ATG7: variants seen among roughly 807,000 people sequenced by gnomAD.
ATG7 encodes autophagy related 7.
Under a neutral mutation model 82.4 loss-of-function variants are expected in ATG7, and 70 were observed. The ratio of observed to expected loss-of-function variants is 0.85; its 90% CI spans 0.70 to 1.04. The LOEUF is 1.04. ATG7 is among the 50% of genes least tolerant of loss of function. The pLI is 0.00. For synonymous variants in ATG7, 287 were observed against 313.0 expected (o/e 0.92, Z 0.88); for missense variants, 792 against 864.3 (o/e 0.92, Z 1.05).
intron 20 of ATG7, among the ~76,000 whole-genome samples, chr3:11,532,280 A>C (rs1163523695): frequency 6.6e-6 from 1 of 152,216 alleles, no homozygotes; most frequent in Non-Finnish European, 1.5e-5. Flanking sequence ...GCTGATCTCA[A>C]GGAGCCGGCA....
At chr3:11,310,773 C>T (rs1299921824) in intron 7 of ATG7, among the ~76,000 whole-genome samples, 2 of 152,064 alleles carry the variant, frequency 1.3e-5, no homozygotes, top group African/African-American at 4.8e-5. Flanking sequence ...GCCGGGACTA[C>T]AGGCACCCAC....
At chr3:11,449,868 C>T (rs370138907) in intron 20 of ATG7, among the ~76,000 whole-genome samples, 13 of 152,314 alleles carry the variant, frequency 8.5e-5, no homozygotes, top group South Asian at 6.2e-4. Context: ...GCTGAGAACA[C>T]GTTTTCATTT....
chr3:11,298,701 G>A lies in ATG7; in HGVS notation c.6G>A (p.Ala2=), dbSNP rs779904289. M[A]AATGDPGLSK... is the part of the protein sequence containing the mutation. Reference sequence around the variant, plus strand: ...TTTTTAATAGGCAAGAAATAATGGCGGCAGCTACGGGGGATCCTGGACTCT... The same window carrying A: ...TTTTTAATAGGCAAGAAATAATGGCAGCAGCTACGGGGGATCCTGGACTCT... Residue 2 remains alanine (A), a synonymous_variant, in exon 4 of 21, where the codon GCG becomes GCA. Coordinates refer to ENST00000693202, the MANE Select transcript of ATG7 (RefSeq NM_001349232.2). 1.4e-5 allele frequency: 23 copies of A among 1,612,690 alleles called. No individual in the cohort carries two copies. Among genetic ancestry groups the A allele is most frequent in the Non-Finnish European group, 1.8e-5 (21 of 1,179,484 alleles).
chr3:11,490,043 T>A (rs1362006525), intron 20 of ATG7, among the ~76,000 whole-genome samples: 1 of 152,172 alleles, frequency 6.6e-6, no homozygotes, highest in Non-Finnish European at 1.5e-5. Flanking sequence ...GTTAACTTTC[T>A]GTCTCTTTGA....
At chr3:11,516,520 C>G (rs2092287561) in intron 20 of ATG7, among the ~76,000 whole-genome samples, 1 of 152,198 alleles carries the variant, frequency 6.6e-6, no homozygotes, top group Non-Finnish European at 1.5e-5. Context: ...GGCACAGCCA[C>G]TTAAAACTAA....
chr3:11,529,115 C>T (rs1286292098), intron 20 of ATG7, among the ~76,000 whole-genome samples: 2 of 151,800 alleles, frequency 1.3e-5, no homozygotes, highest in Non-Finnish European at 2.9e-5. Context: ...TGTAGGTGGA[C>T]AGGAGGGCAT....
chr3:11,428,030 A>G lies in ATG7; in HGVS notation c.2079+1104A>G, dbSNP rs187369206. ...CTTATGTTGTGTTTCCACAAACTAT[A>G]TAAGGAAAACCTTGACTTCCTGTGT... On this transcript the variant is annotated intron_variant, in intron 20 of 20. Coordinates refer to ENST00000693202, the MANE Select transcript of ATG7 (RefSeq NM_001349232.2). 7.7e-4 allele frequency among the ~76,000 whole-genome samples: 117 copies of G among 152,350 alleles called. No individual in the cohort carries two copies. The East Asian group carries it at 0.016, about 20-fold the overall frequency.
the ATG7 span, among the ~76,000 whole-genome samples, chr3:11,567,696 G>A: frequency 4.2e-4 from 64 of 152,310 alleles, no homozygotes; most frequent in African/African-American, 1.4e-3. Context: ...TCCGCGGAAC[G>A]GACGTCAGGC....
chr3:11,379,208 C>T lies in ATG7; in HGVS notation c.1876-764C>T, dbSNP rs187163539. Among the ~76,000 whole-genome samples, 7 of 152,192 alleles carry T rather than the reference C, an allele frequency of 4.6e-5. No individual in the cohort carries two copies. The East Asian group carries it at 5.8e-4, about 13-fold the overall frequency. ...TTTGTGTTGTCTGGTTTATTATAAACGTTGAGTCCTATGGAGAGTTTAGAG... is the reference window on the plus strand; with the variant it reads ...TTTGTGTTGTCTGGTTTATTATAAATGTTGAGTCCTATGGAGAGTTTAGAG... On this transcript the variant is annotated intron_variant, in intron 18 of 20. Coordinates refer to ENST00000693202, the MANE Select transcript of ATG7 (RefSeq NM_001349232.2).
At chr3:11,532,695 T>A (rs149227888) in intron 20 of ATG7, among the ~76,000 whole-genome samples, 38 of 152,148 alleles carry the variant, frequency 2.5e-4, no homozygotes, top group Admixed American at 6.5e-4. Flanking sequence ...TGCACTCCAG[T>A]CTAGGTGACA....
chr3:11,525,734 T>C (rs11719576), intron 20 of ATG7, among the ~76,000 whole-genome samples: 27,915 of 151,608 alleles, frequency 0.18, 3,191 homozygotes, highest in South Asian at 0.36. Flanking sequence ...TTTTGTATTT[T>C]TAGTAGAGAC....
rs189638856 is a variant in ATG7, at chr3:11,446,275, C to A, written c.2079+19349C>A. 2.0e-5 allele frequency among the ~76,000 whole-genome samples: 3 copies of A among 151,880 alleles called. No individual in the cohort carries two copies. The East Asian group carries it at 5.8e-4, about 29-fold the overall frequency. On this transcript the variant is annotated intron_variant, in intron 20 of 20. Transcript: ENST00000693202. The stretch of plus-strand genomic sequence containing the variant: ...AAATTGGATTAAAGGTTACTATATC[C>A]ATTTCAACATTCTGTGATAACGATA...
At chr3:11,477,134 C>A in intron 20 of ATG7, 1 of 1,289,838 alleles carries the variant, frequency 7.8e-7, no homozygotes, top group South Asian at 1.2e-5. Context: ...TACCTGCCAG[C>A]ATCTTTGAGA....
chr3:11,344,441 G>A (rs1244434438), intron 13 of ATG7, among the ~76,000 whole-genome samples: 1 of 152,140 alleles, frequency 6.6e-6, no homozygotes, highest in Non-Finnish European at 1.5e-5. Flanking sequence ...CAGAAATGTC[G>A]AGCTTTATCA....
rs764938921 is a variant in ATG7 at position 11,362,870 on chromosome 3, G to A, written c.1741G>A (p.Val581Met). The A allele has an allele frequency of 6.8e-6, 11 of 1,614,090 alleles. No individual in the cohort carries two copies. Among genetic ancestry groups the A allele is most frequent in the South Asian group, 6.6e-5 (6 of 91,076 alleles). The change falls in exon 17 of 21, where the codon GTG (valine) becomes ATG (methionine). Residue 581 changes from valine (V) to methionine (M), a missense_variant. Transcript: ENST00000693202. ...QCTVSRPGLA[V>M]IAGALAVELM... ...CACTGTGAGTCGTCCAGGACTGGCC[G>A]TGATTGCAGGAGCCCTGGCCGTGGA... is the stretch of plus-strand genomic sequence containing the variant.
At chr3:11,283,930 T>G (rs552949249) in intron 3 of ATG7, among the ~76,000 whole-genome samples, 2 of 152,136 alleles carry the variant, frequency 1.3e-5, no homozygotes, top group African/African-American at 4.8e-5. Context: ...AGACTCTGTC[T>G]CAAAGAAAAA....
At chr3:11,359,678 G>A (rs764724490) in intron 15 of ATG7, among the ~76,000 whole-genome samples, 8 of 151,904 alleles carry the variant, frequency 5.3e-5, no homozygotes, top group African/African-American at 1.9e-4. Flanking sequence ...CCTGGGCAAC[G>A]GAGTGAGATC....
At chr3:11,551,333 G>A (rs573667943) in intron 20 of ATG7, among the ~76,000 whole-genome samples, 20 of 152,270 alleles carry the variant, frequency 1.3e-4, no homozygotes, top group East Asian at 7.7e-4. Flanking sequence ...CAGCTCGCCC[G>A]GCTCCAGAAA....
At chr3:11,360,867 T>C (rs1488345656) in intron 16 of ATG7, 83 bp downstream of exon 16, 3 of 1,380,012 alleles carry the variant, frequency 2.2e-6, no homozygotes, top group Non-Finnish European at 3.0e-6. Flanking sequence ...CTTTCATTTA[T>C]GACTATTTAA....
Sources: gnomAD v4.1 joint callset for allele counts (sites outside exome capture counted in the v4.1 genomes callset) on GRCh38, gnomAD v4.1.1 for gene constraint, MANE v1.5 for transcripts, NCBI Gene and HGNC (gene_info 2026-07-23, HGNC 2026-07-21) for gene names.